TMTC2: variants seen among roughly 807,000 people sequenced by gnomAD.
TMTC2 encodes transmembrane O-mannosyltransferase targeting cadherins 2.
TMTC2 carries 43 observed loss-of-function variants against 82.4 expected under a neutral mutation model. The ratio of observed to expected loss-of-function variants is 0.52; its 90% CI spans 0.41 to 0.67. TMTC2 has a LOEUF of 0.67. Ranked by LOEUF, TMTC2 falls within the 30% of genes least tolerant of loss-of-function variation. The pLI is 0.00. For synonymous variants in TMTC2, 408 were observed against 381.9 expected (o/e 1.07, Z -0.80); for missense variants, 919 against 1,012.4 (o/e 0.91, Z 1.25).
At chr12:83,018,764 C>A (rs538162311) in intron 8 of TMTC2, among the ~76,000 whole-genome samples, 1 of 151,576 alleles carries the variant, frequency 6.6e-6, no homozygotes, top group Non-Finnish European at 1.5e-5. Context: ...AGATTTACCA[C>A]GGAAACTATG....
At chr12:82,741,470 C>A (rs1875404706) in intron 1 of TMTC2, among the ~76,000 whole-genome samples, 1 of 152,142 alleles carries the variant, frequency 6.6e-6, no homozygotes, top group Non-Finnish European at 1.5e-5. Context: ...GCCACCACGC[C>A]TGGCTAAGTT....
intron 1 of TMTC2, among the ~76,000 whole-genome samples, chr12:82,849,007 G>T (rs571084939): frequency 6.6e-6 from 1 of 152,112 alleles, no homozygotes; most frequent in Non-Finnish European, 1.5e-5. Context: ...ATTAGCATGC[G>T]TATGGAGAAG....
Position 82,770,411 on chromosome 12 carries a change from T to C in TMTC2, c.83+82742T>C, listed in dbSNP as rs541868312. Among the ~76,000 whole-genome samples the C allele has an allele frequency of 4.6e-5, 7 of 152,274 alleles. No individual in the cohort carries two copies. The East Asian group carries it at 7.7e-4, about 17-fold the overall frequency. On this transcript the variant is annotated intron_variant, in intron 1 of 11. Transcript: ENST00000321196. ...TAGAAGAACTGAGCACTCTATTTTA[T>C]AGTTCAGTAGGATTTTTCCATCTAT... is the stretch of plus-strand genomic sequence containing the variant.
chr12:82,930,049 A>G (rs1217520886), intron 3 of TMTC2, among the ~76,000 whole-genome samples: 2 of 151,998 alleles, frequency 1.3e-5, no homozygotes, highest in African/African-American at 4.8e-5. Flanking sequence ...TGAATGAAAT[A>G]TTTGTTTATT....
At chr12:83,013,738 A>G (rs7135727) in intron 8 of TMTC2, among the ~76,000 whole-genome samples, 121,060 of 151,876 alleles carry the variant, frequency 0.8, 48,890 homozygotes, top group South Asian at 0.93. Context: ...GTATACTGCA[A>G]TATTCGAAGT....
chr12:83,006,512 A>C (rs1047840678), intron 8 of TMTC2, among the ~76,000 whole-genome samples: 6 of 152,118 alleles, frequency 3.9e-5, no homozygotes, highest in African/African-American at 1.4e-4. Context: ...CCTTTAAAAA[A>C]CCGAACTTTC....
Position 82,687,484 on chromosome 12 carries a change from C to G in TMTC2, c.-103C>G. ...GTGGGGAAGCGAGGGAAAAGTGAAG[C>G]TGGGAGGAGAAGGCGGCGGAAGGTG... On this transcript the variant is annotated 5_prime_UTR_variant, in exon 1 of 12. Transcript: ENST00000321196. 1 of 1,123,458 alleles carries G rather than the reference C, an allele frequency of 8.9e-7. No homozygotes were observed. Among genetic ancestry groups the G allele is most frequent in the Non-Finnish European group, 1.3e-6 (1 of 772,428 alleles). The allele number at this position is 1,123,458 out of a possible 1,614,324, so 69.6% of individuals were successfully genotyped here. A position where few individuals can be genotyped will look rare whatever the true frequency, so the allele number is the denominator to read the frequency against.
intron 1 of TMTC2, among the ~76,000 whole-genome samples, chr12:82,792,069 G>A (rs1458156255): frequency 1.3e-5 from 2 of 152,152 alleles, no homozygotes; most frequent in Admixed American, 6.5e-5. Flanking sequence ...GAAGCAAGAA[G>A]CAGCAAGGTA....
chr12:82,790,274 A>C (rs1379288413), intron 1 of TMTC2, among the ~76,000 whole-genome samples: 1 of 150,918 alleles, frequency 6.6e-6, no homozygotes, highest in African/African-American at 2.4e-5. Context: ...TGAACCAAGG[A>C]TTTCATTACT....
intron 11 of TMTC2, among the ~76,000 whole-genome samples, chr12:83,102,796 A>T (rs1429019309): frequency 6.6e-6 from 1 of 152,200 alleles, no homozygotes; most frequent in Admixed American, 6.5e-5. Context: ...TACTCCCAGT[A>T]ACTTAGAACT....
At chr12:82,746,028 G>A (rs1875674030) in intron 1 of TMTC2, among the ~76,000 whole-genome samples, 1 of 152,184 alleles carries the variant, frequency 6.6e-6, no homozygotes, top group Non-Finnish European at 1.5e-5. Context: ...ATTGGTCCTG[G>A]CTGGAGAGAG....
chr12:82,908,381 T>A (rs1011676161), intron 3 of TMTC2, among the ~76,000 whole-genome samples: 3 of 102,200 alleles, frequency 2.9e-5, no homozygotes, highest in African/African-American at 8.9e-5. Context: ...TGTAGGTAAC[T>A]TTTATCAGTA....
intron 3 of TMTC2, among the ~76,000 whole-genome samples, chr12:82,913,472 G>A (rs1874816327): frequency 6.6e-6 from 1 of 152,092 alleles, no homozygotes; most frequent in Non-Finnish European, 1.5e-5. Context: ...AAAGGAAAAT[G>A]TGGCTTCTCT....
At position 82,965,734 on chromosome 12, in the gene TMTC2, G is replaced by A. The variant is rs779747741; in HGVS notation, c.1859G>A (p.Gly620Glu). The change falls in exon 6 of 12, where the codon GGA becomes GAA. Residue 620 changes from glycine (G) to glutamate (E), a missense_variant. Physicochemically the swap from Gly to Glu is moderately conservative, Grantham distance 98. Coordinates refer to ENST00000321196, the MANE Select transcript of TMTC2 (RefSeq NM_152588.3). ...YNLGKLYHEQ[G>E]HYEEALSVYK... ...CTAGGAAAGCTGTATCATGAGCAGGGACACTATGAGGTCTGGCCAATGCCT... is the reference window on the plus strand; with the variant it reads ...CTAGGAAAGCTGTATCATGAGCAGGAACACTATGAGGTCTGGCCAATGCCT... The A allele has an allele frequency of 6.2e-7, 1 of 1,613,662 alleles. No homozygotes were observed. Among genetic ancestry groups the A allele is most frequent in the South Asian group, 1.1e-5 (1 of 91,062 alleles).
chr12:82,942,813 T>G (rs951859717), intron 4 of TMTC2, among the ~76,000 whole-genome samples: 1 of 152,110 alleles, frequency 6.6e-6, no homozygotes, highest in Non-Finnish European at 1.5e-5. Context: ...GAAGCTAGAG[T>G]TAAAATACAT....
chr12:82,857,641 G>A (rs1219843582), intron 2 of TMTC2, 61 bp downstream of exon 2: 2 of 1,470,522 alleles, frequency 1.4e-6, no homozygotes, highest in East Asian at 2.3e-5. Context: ...TTACTCCTTT[G>A]CCACCATTTA....
chr12:82,742,271 C>T (rs1238158031), intron 1 of TMTC2, among the ~76,000 whole-genome samples: 1 of 152,044 alleles, frequency 6.6e-6, no homozygotes, highest in African/African-American at 2.4e-5. Flanking sequence ...CTGAAACTTT[C>T]CCTAGGTCAT....
At chr12:83,067,285 G>A (rs979458909) in intron 11 of TMTC2, among the ~76,000 whole-genome samples, 5 of 151,958 alleles carry the variant, frequency 3.3e-5, no homozygotes, top group Admixed American at 6.6e-5. Flanking sequence ...TTGGAAGTGG[G>A]TGGTGTAAGA....
intron 1 of TMTC2, among the ~76,000 whole-genome samples, chr12:82,769,610 CACTT>C (rs1440313862): frequency 7.2e-5 from 11 of 152,174 alleles, no homozygotes; most frequent in South Asian, 4.1e-4. Flanking sequence ...ATGTTAAAGA[CACTT>C]ACTATTTTTA....
Sources: gnomAD v4.1 joint callset for allele counts (sites outside exome capture counted in the v4.1 genomes callset) on GRCh38, gnomAD v4.1.1 for gene constraint, MANE v1.5 for transcripts, NCBI Gene and HGNC (gene_info 2026-07-23, HGNC 2026-07-21) for gene names.